TMEM185A: variants seen among roughly 807,000 people sequenced by gnomAD.
TMEM185A encodes family with sequence similarity 11, member A.
Under a neutral mutation model 25.0 loss-of-function variants are expected in TMEM185A, and 9 were observed. That is an observed-to-expected ratio of 0.36 (90% confidence interval 0.22 to 0.63). The LOEUF (loss-of-function observed/expected upper bound fraction) is 0.63, where lower values mean the gene tolerates loss of function less well. Ranked by LOEUF, TMEM185A falls within the 20% of genes least tolerant of loss-of-function variation. The probability of loss-of-function intolerance (pLI) is 0.68; values close to 1 mark genes in which losing one functional copy is unlikely to be tolerated. For missense variants in TMEM185A, 103 were observed against 237.4 expected, an observed-to-expected ratio of 0.43 and a Z score of 3.72; for synonymous variants, 45 against 93.5, an observed-to-expected ratio of 0.48 and a Z score of 2.99.
intron 1 of TMEM185A, among the ~76,000 whole-genome samples, chrX:149,613,592 C>A (rs1210611744): frequency 8.9e-6 from 1 of 112,234 alleles, no homozygotes; most frequent in African/African-American, 3.2e-5. Context: ...TGATTTTGAC[C>A]CTGTGAAACT....
Position 149,608,696 on chromosome X carries a change from C to G in TMEM185A, c.354G>C (p.Pro118=). 1 of 1,211,822 alleles carries G rather than the reference C, an allele frequency of 8.3e-7. No individual in the cohort carries two copies. Among genetic ancestry groups the G allele is most frequent in the Non-Finnish European group, 1.1e-6 (1 of 895,525 alleles). ...GSHFWLLVFM[P]LFFVSPVSVA... is the part of the protein sequence containing the mutation. ...CAGACACCGGGGAAACAAAGAACAG[C>G]GGCATGAAGACCAGGAGCCAGAAAT... Residue 118 remains proline, a synonymous_variant, in exon 3 of 7, where the codon CCG becomes CCC. Transcript: ENST00000600449.
rs1320970462 is a variant in TMEM185A at position 149,605,560 on chromosome X, T to C, written c.424-1490A>G. ...CCATGTCACTTTCTATAGCCTCCCATGTCACTTTCTATAGCCTCCCATGTC... is the reference window on the plus strand; with the variant it reads ...CCATGTCACTTTCTATAGCCTCCCACGTCACTTTCTATAGCCTCCCATGTC... On this transcript the variant is annotated intron_variant, in intron 3 of 6. Coordinates refer to ENST00000600449, the MANE Select transcript of TMEM185A (RefSeq NM_032508.4). 2.7e-5 allele frequency among the ~76,000 whole-genome samples: 3 copies of C among 110,851 alleles called. No homozygotes were observed. In the East Asian group the frequency reaches 8.7e-4, roughly 32 times the overall value.
At chrX:149,622,009 G>A (rs1215826161) in intron 1 of TMEM185A, among the ~76,000 whole-genome samples, 1 of 111,819 alleles carries the variant, frequency 8.9e-6, no homozygotes, top group Non-Finnish European at 1.9e-5. Context: ...ACTTGGGGGC[G>A]TCATTATTCT....
At chrX:149,612,763 A>G (rs2090090542) in intron 1 of TMEM185A, among the ~76,000 whole-genome samples, 1 of 112,045 alleles carries the variant, frequency 8.9e-6, no homozygotes, top group Non-Finnish European at 1.9e-5. Context: ...TTCTAAGCTC[A>G]TTCAGGTTGT....
intron 1 of TMEM185A, among the ~76,000 whole-genome samples, chrX:149,616,801 T>C (rs1330411249): frequency 8.9e-6 from 1 of 112,687 alleles, no homozygotes; most frequent in Non-Finnish European, 1.9e-5. Flanking sequence ...AAAAGTCATA[T>C]GACAGTGCAA....
intron 1 of TMEM185A, among the ~76,000 whole-genome samples, chrX:149,626,721 G>A (rs955508504): frequency 8.9e-5 from 10 of 112,398 alleles, no homozygotes; most frequent in African/African-American, 2.9e-4. Context: ...CTATCTTAGC[G>A]AGGGGAGTGT....
Position 149,608,690 on chromosome X carries a change from G to C in TMEM185A, c.360C>G (p.Phe120Leu), listed in dbSNP as rs1346489217. 1 of 1,211,822 alleles carries C rather than the reference G, an allele frequency of 8.3e-7. No homozygotes were observed. Among genetic ancestry groups the C allele is most frequent in the South Asian group, 1.8e-5 (1 of 56,994 alleles). ...CTGCAACAGACACCGGGGAAACAAA[G>C]AACAGCGGCATGAAGACCAGGAGCC... ...HFWLLVFMPL[F>L]FVSPVSVAAC... Residue 120 changes from phenylalanine to leucine, a missense_variant, in exon 3 of 7, where the codon TTC becomes TTG. Physicochemically the swap from Phe to Leu is conservative, Grantham distance 22. Transcript: ENST00000600449.
chrX:149,631,304 G>A (rs2090190634), intron 1 of TMEM185A, among the ~76,000 whole-genome samples: 1 of 110,644 alleles, frequency 9.0e-6, no homozygotes, highest in Non-Finnish European at 1.9e-5. Flanking sequence ...CTCGCGGCCG[G>A]GCCCTTCCGG....
intron 2 of TMEM185A, among the ~76,000 whole-genome samples, chrX:149,609,072 T>C (rs1472628099): frequency 8.9e-6 from 1 of 112,704 alleles, no homozygotes; most frequent in African/African-American, 3.2e-5. Flanking sequence ...CAGAATTTAA[T>C]GTTTTAACCG....
In TMEM185A at chrX:149,608,845, G is replaced by A. The variant is rs1557354041; in HGVS notation, c.216-11C>T. The A allele has an allele frequency of 1.3e-5, 16 of 1,202,831 alleles. No homozygotes were observed. Among genetic ancestry groups the A allele is most frequent in the Non-Finnish European group, 1.6e-5 (14 of 888,230 alleles). Reference sequence around the variant, plus strand: ...GTTTCTCCTTCTGCTCTAAAAAAGGGAGAGAAGAAGAAAACACCCTCAGTT... The same window carrying A: ...GTTTCTCCTTCTGCTCTAAAAAAGGAAGAGAAGAAGAAAACACCCTCAGTT... On this transcript the variant is annotated splice_polypyrimidine_tract_variant and intron_variant, in intron 2 of 6. Coordinates refer to ENST00000600449, the MANE Select transcript of TMEM185A (RefSeq NM_032508.4).
At chrX:149,607,295 G>A (rs782762348) in intron 3 of TMEM185A, among the ~76,000 whole-genome samples, 198 of 111,901 alleles carry the variant, frequency 1.8e-3, no homozygotes, top group African/African-American at 6.1e-3. Context: ...TCATCCACAC[G>A]GCTCAAAACC....
In TMEM185A at chrX:149,631,616, C is replaced by G; in HGVS notation, c.-36G>C. ...TTCACCGCGGCGTCCTCCTCCTCCT[C>G]CCCCGCACCCCGTGCTGCACAGCCT... On this transcript the variant is annotated 5_prime_UTR_variant, in exon 1 of 7. Transcript: ENST00000600449. 1 of 1,135,605 alleles carries G rather than the reference C, an allele frequency of 8.8e-7. No individual in the cohort carries two copies. The highest frequency in any genetic ancestry group is 1.2e-6 in the Non-Finnish European group (1 of 851,316). 93.6% of individuals were successfully genotyped at this position (1,135,605 alleles called of 1,213,427 possible). A position where few individuals can be genotyped will look rare whatever the true frequency, so the allele number is the denominator to read the frequency against.
At chrX:149,605,360 C>T (rs868956334) in intron 3 of TMEM185A, among the ~76,000 whole-genome samples, 100 of 96,994 alleles carry the variant, frequency 1.0e-3, no homozygotes, top group African/African-American at 3.7e-3. Flanking sequence ...TTTCTATGGC[C>T]TCCCATGTCA....
chrX:149,624,625 G>A (rs781981892), intron 1 of TMEM185A, among the ~76,000 whole-genome samples: 1 of 111,585 alleles, frequency 9.0e-6, no homozygotes, highest in South Asian at 3.8e-4. Context: ...TGACAGAATG[G>A]CTCCAAATGA....
At chrX:149,607,078 A>G (rs1233256238) in intron 3 of TMEM185A, among the ~76,000 whole-genome samples, 1 of 111,581 alleles carries the variant, frequency 9.0e-6, no homozygotes, top group Non-Finnish European at 1.9e-5. Flanking sequence ...AAATCAGGGA[A>G]TAGCTCCCCT....
At chrX:149,627,162 G>A (rs2090168008) in intron 1 of TMEM185A, among the ~76,000 whole-genome samples, 1 of 112,329 alleles carries the variant, frequency 8.9e-6, no homozygotes, top group Admixed American at 9.3e-5. Flanking sequence ...TCAGTGGGGG[G>A]AAACCTTGGA....
chrX:149,604,398 C>T (rs191929292), intron 3 of TMEM185A, among the ~76,000 whole-genome samples: 1 of 111,936 alleles, frequency 8.9e-6, no homozygotes, highest in African/African-American at 3.3e-5. Flanking sequence ...CATGTCCCTA[C>T]CAACAATACT....
intron 1 of TMEM185A, among the ~76,000 whole-genome samples, chrX:149,624,602 C>G (rs1201239097): frequency 9.0e-6 from 1 of 111,599 alleles, no homozygotes; most frequent in African/African-American, 3.3e-5. Context: ...ATGGCACATC[C>G]CAGTCTAAAG....
At chrX:149,628,610 G>A (rs1557356297) in intron 1 of TMEM185A, among the ~76,000 whole-genome samples, 1 of 111,998 alleles carries the variant, frequency 8.9e-6, no homozygotes, top group African/African-American at 3.2e-5. Context: ...ACGCAGCAGT[G>A]GGTTCAGACT....
Sources: allele counts gnomAD v4.1 joint callset (sites outside exome capture counted in the v4.1 genomes callset), GRCh38; gene constraint gnomAD v4.1.1; transcripts MANE v1.5; gene names NCBI Gene and HGNC (gene_info 2026-07-23, HGNC 2026-07-21).